Variants in EFCAB11 observed in about 807,000 individuals in gnomAD.
EFCAB11 encodes the protein EF-hand calcium-binding domain-containing protein 11.
EFCAB11 carries 14 observed loss-of-function variants against 23.0 expected under a neutral mutation model. That is an observed-to-expected ratio of 0.61 (90% CI 0.40 to 0.95). The LOEUF is 0.95. Ranked by LOEUF, EFCAB11 falls within the 40% of genes least tolerant of loss-of-function variation. The pLI is 0.00. For missense variants in EFCAB11, 198 were observed against 195.8 expected (o/e 1.01, Z -0.07); for synonymous variants, 65 against 66.6 (o/e 0.98, Z 0.11).
chr14:89,860,784 C>A (rs1401456961), intron 5 of EFCAB11, among the ~76,000 whole-genome samples: 2 of 152,174 alleles, frequency 1.3e-5, no homozygotes, highest in Non-Finnish European at 2.9e-5. Context: ...AAAACAGGTA[C>A]ATTTTAAATC....
intron 5 of EFCAB11, among the ~76,000 whole-genome samples, chr14:89,874,073 G>C (rs1888361615): frequency 6.6e-6 from 1 of 152,180 alleles, no homozygotes; most frequent in Non-Finnish European, 1.5e-5. Flanking sequence ...CCTCTGCCTG[G>C]ATATCCAGGT....
At chr14:89,879,184 G>GT (rs1348495897) in intron 5 of EFCAB11, among the ~76,000 whole-genome samples, 1 of 151,574 alleles carries the variant, frequency 6.6e-6, no homozygotes, top group Non-Finnish European at 1.5e-5. Context: ...TACATCATAT[G>GT]ACTATTTTTC....
chr14:89,952,353 C>T (rs1449189906), intron 2 of EFCAB11: 2 of 975,312 alleles, frequency 2.1e-6, no homozygotes, highest in Non-Finnish European at 1.2e-6. Flanking sequence ...ACCAAATAGA[C>T]TCAAGGGTGA....
chr14:89,950,903 C>T (rs1298148161), intron 2 of EFCAB11, among the ~76,000 whole-genome samples: 1 of 152,082 alleles, frequency 6.6e-6, no homozygotes, highest in Non-Finnish European at 1.5e-5. Context: ...CCCCTCCTAC[C>T]CTTAAATGCT....
chr14:89,869,213 C>T (rs906960844), intron 5 of EFCAB11, among the ~76,000 whole-genome samples: 2 of 152,006 alleles, frequency 1.3e-5, no homozygotes, highest in African/African-American at 4.8e-5. Context: ...AAAAGAAAAA[C>T]AAAAATAAAA....
chr14:89,886,558 C>T (rs1488595824), intron 5 of EFCAB11, among the ~76,000 whole-genome samples: 1 of 143,026 alleles, frequency 7.0e-6, no homozygotes, highest in Non-Finnish European at 1.5e-5. Context: ...AAGTGATCTG[C>T]TTTACTCAAG....
intron 1 of EFCAB11, chr14:89,954,247 C>T (rs569345906): frequency 1.6e-6 from 2 of 1,239,490 alleles, no homozygotes; most frequent in African/African-American, 3.0e-5. Context: ...CAAATTAATT[C>T]ATTTAGGCCA....
intron 5 of EFCAB11, among the ~76,000 whole-genome samples, chr14:89,824,932 C>T (rs1002635491): frequency 6.6e-6 from 1 of 151,954 alleles, no homozygotes; most frequent in African/African-American, 2.4e-5. Context: ...TAACATTTCT[C>T]TCTCAGTAAA....
intron 5 of EFCAB11, among the ~76,000 whole-genome samples, chr14:89,838,527 G>T (rs1337075672): frequency 7.8e-6 from 1 of 128,892 alleles, no homozygotes; most frequent in African/African-American, 3.8e-5. Context: ...TAAACTAAAA[G>T]AAATTTCAGA....
intron 5 of EFCAB11, among the ~76,000 whole-genome samples, chr14:89,853,900 AATT>A (rs1887669662): frequency 6.6e-6 from 1 of 152,242 alleles, no homozygotes; most frequent in African/African-American, 2.4e-5. Context: ...CAGACATCTT[AATT>A]ATGCTCTCAG....
intron 5 of EFCAB11, among the ~76,000 whole-genome samples, chr14:89,905,217 T>C (rs1458698982): frequency 6.6e-6 from 1 of 152,174 alleles, no homozygotes; most frequent in African/African-American, 2.4e-5. Context: ...GGAGATCTCT[T>C]AAGTCAATGA....
At chr14:89,932,946 A>T (rs1412010962) in intron 3 of EFCAB11, among the ~76,000 whole-genome samples, 1 of 152,226 alleles carries the variant, frequency 6.6e-6, no homozygotes, top group African/African-American at 2.4e-5. Flanking sequence ...AACAGATCTA[A>T]TAGGCATGAA....
At chr14:89,877,040 A>T (rs1214753710) in intron 5 of EFCAB11, among the ~76,000 whole-genome samples, 1 of 150,120 alleles carries the variant, frequency 6.7e-6, no homozygotes, top group Non-Finnish European at 1.5e-5. Flanking sequence ...GTAGATGACC[A>T]AAAGTTTTTT....
chr14:89,797,229 G>A lies in EFCAB11; in HGVS notation c.*14C>T. 1 of 1,610,566 alleles carries A rather than the reference G, an allele frequency of 6.2e-7. No homozygotes were observed. The highest frequency in any genetic ancestry group is 8.5e-7 in the Non-Finnish European group (1 of 1,177,734). ...ATTGATCTCCCCAGAGTTACCAAAA[G>A]TAGTTCACAATAGTTAGGCTTCCTT... On this transcript the variant is annotated 3_prime_UTR_variant, in exon 6 of 6. Transcript: ENST00000316738.
At chr14:89,873,298 AC>A (rs1213340448) in intron 5 of EFCAB11, among the ~76,000 whole-genome samples, 19 of 151,914 alleles carry the variant, frequency 1.3e-4, no homozygotes, top group Admixed American at 1.2e-3. Context: ...GGAAAAACCC[AC>A]CCCCATAATT....
chr14:89,855,490 T>C (rs1169950728), intron 5 of EFCAB11, among the ~76,000 whole-genome samples: 1 of 152,110 alleles, frequency 6.6e-6, no homozygotes, highest in African/African-American at 2.4e-5. Context: ...AATAAATGAA[T>C]ACATTGTATT....
chr14:89,861,259 C>T (rs1887910928), intron 5 of EFCAB11, among the ~76,000 whole-genome samples: 1 of 152,186 alleles, frequency 6.6e-6, no homozygotes, highest in Non-Finnish European at 1.5e-5. Flanking sequence ...GGCTCTCCAT[C>T]CTTGGAACTA....
At chr14:89,860,327 G>A (rs1206664033) in intron 5 of EFCAB11, among the ~76,000 whole-genome samples, 1 of 152,136 alleles carries the variant, frequency 6.6e-6, no homozygotes, top group Admixed American at 6.5e-5. Flanking sequence ...TCGCACCATT[G>A]CACTCCAGCC....
intron 5 of EFCAB11, among the ~76,000 whole-genome samples, chr14:89,813,431 A>G (rs1886217129): frequency 6.6e-6 from 1 of 152,244 alleles, no homozygotes; most frequent in Non-Finnish European, 1.5e-5. Context: ...CACTCATCTT[A>G]ACAAAAACAG....
Sources: allele counts gnomAD v4.1 joint callset (sites outside exome capture counted in the v4.1 genomes callset), GRCh38; gene constraint gnomAD v4.1.1; transcripts MANE v1.5; gene names NCBI Gene and HGNC (gene_info 2026-07-23, HGNC 2026-07-21).